The following FBXL13 variants were observed in gnomAD, a reference collection of about 807,000 sequenced individuals.
The protein encoded by FBXL13 is F-box and leucine rich repeat protein 13, also known as F-box and leucine-rich repeat protein 13.
Under a neutral mutation model 83.6 loss-of-function variants are expected in FBXL13, and 67 were observed. That is an observed-to-expected ratio of 0.80 (90% CI 0.66 to 0.98). The LOEUF is 0.98. Among genes scored for constraint, FBXL13 ranks in the 50% least tolerant of loss-of-function variants. The pLI is 0.00. For synonymous variants in FBXL13, 272 were observed against 299.5 expected, an observed-to-expected ratio of 0.91 and a Z score of 0.95; for missense variants, 822 against 866.5, an observed-to-expected ratio of 0.95 and a Z score of 0.64.
chr7:102,822,768 G>C (rs747163020), intron 18 of FBXL13, among the ~76,000 whole-genome samples: 61 of 152,194 alleles, frequency 4.0e-4, no homozygotes, highest in South Asian at 1.0e-3. Flanking sequence ...GCCTCAAGTA[G>C]CACCAATAGA....
chr7:103,042,160 G>C (rs1204058900), intron 2 of FBXL13, among the ~76,000 whole-genome samples: 2 of 152,128 alleles, frequency 1.3e-5, no homozygotes, highest in African/African-American at 4.8e-5. Context: ...AAAATCACAA[G>C]CATTCCTATA....
intron 8 of FBXL13, among the ~76,000 whole-genome samples, chr7:102,961,651 G>A (rs1825230541): frequency 6.6e-6 from 1 of 151,728 alleles, no homozygotes; most frequent in South Asian, 2.1e-4. Flanking sequence ...TAGACCAATG[G>A]AACAGAACAG....
intron 17 of FBXL13, among the ~76,000 whole-genome samples, chr7:102,840,075 A>C (rs1403694630): frequency 6.6e-6 from 1 of 152,226 alleles, no homozygotes; most frequent in African/African-American, 2.4e-5. Context: ...TTAACATATA[A>C]AATTTGACAG....
intron 11 of FBXL13, among the ~76,000 whole-genome samples, chr7:102,886,632 C>T (rs1810831538): frequency 6.6e-6 from 1 of 152,082 alleles, no homozygotes; most frequent in African/African-American, 2.4e-5. Context: ...CCCCTGTATA[C>T]AGCTCCCAGC....
rs563591520 is a variant in FBXL13 at position 102,971,376 on chromosome 7, T to C, written c.496-3259A>G. ...ACTTTGGGAGGCTGAGGCAGGCAGA[T>C]CACCTAAGGTTGGGCGTTCGAGACC... On this transcript the variant is annotated intron_variant, in intron 6 of 19. Coordinates refer to ENST00000313221, the Ensembl canonical transcript of FBXL13. Among the ~76,000 whole-genome samples the C allele has an allele frequency of 5.9e-5, 9 of 152,108 alleles. No individual in the cohort carries two copies. The South Asian group carries it at 1.9e-3, about 32-fold the overall frequency.
At chr7:102,894,112 G>A (rs1811958172) in intron 11 of FBXL13, among the ~76,000 whole-genome samples, 1 of 152,156 alleles carries the variant, frequency 6.6e-6, no homozygotes, top group Non-Finnish European at 1.5e-5. Flanking sequence ...TTCATCCCTG[G>A]ACATGCCTGT....
chr7:102,911,212 A>C (rs1814614987), intron 11 of FBXL13, among the ~76,000 whole-genome samples: 1 of 152,222 alleles, frequency 6.6e-6, no homozygotes, highest in Non-Finnish European at 1.5e-5. Flanking sequence ...AGTAGGTCAT[A>C]GATTTGAAGC....
chr7:103,026,587 T>C (rs531260114), intron 5 of FBXL13, among the ~76,000 whole-genome samples: 30 of 152,282 alleles, frequency 2.0e-4, no homozygotes, highest in African/African-American at 7.0e-4. Context: ...ACCTATAGAT[T>C]ATAAACTTCT....
intron 6 of FBXL13, among the ~76,000 whole-genome samples, chr7:102,976,861 T>A (rs1187435637): frequency 6.6e-6 from 1 of 152,202 alleles, no homozygotes; most frequent in Non-Finnish European, 1.5e-5. Context: ...TCAGGCTTAT[T>A]AACCAAGCTG....
chr7:102,934,770 T>A lies in FBXL13; in HGVS notation c.725-2837A>T, dbSNP rs1012314282. 4.1e-6 allele frequency: 5 copies of A among 1,212,566 alleles called. No individual in the cohort carries two copies. The African/African-American group carries it at 6.1e-5, about 15-fold the overall frequency. The allele number at this position is 1,212,566 out of a possible 1,614,324, so 75.1% of individuals were successfully genotyped here. The stretch of plus-strand genomic sequence containing the variant: ...ATAATCCTCCCTACATCCCACCATG[T>A]CTTGGAATTCGTGATGTCACTTCCA... On this transcript the variant is annotated intron_variant, in intron 8 of 19. Coordinates refer to ENST00000313221, the Ensembl canonical transcript of FBXL13.
rs117986525 is a variant in FBXL13 at position 103,002,947 on chromosome 7, G to A, written c.495+22116C>T. The stretch of plus-strand genomic sequence containing the variant: ...CTCAGATATTTATATCTTTCTCTAG[G>A]TTTCAAAAGTTTTCTGTTATTATTT... On this transcript the variant is annotated intron_variant, in intron 6 of 19. Transcript: ENST00000313221. 4.3e-3 allele frequency among the ~76,000 whole-genome samples: 655 copies of A among 152,018 alleles called. 4 individuals carry two copies. Among genetic ancestry groups the A allele is most frequent in the Non-Finnish European group, 7.5e-3 (507 of 67,996 alleles).
chr7:102,867,858 G>A (rs1174166455), intron 16 of FBXL13, among the ~76,000 whole-genome samples: 1 of 151,160 alleles, frequency 6.6e-6, no homozygotes, highest in Non-Finnish European at 1.5e-5. Context: ...CTGCCACCAT[G>A]CCTGGCTAAT....
chr7:102,837,737 C>T (rs1802249824), intron 17 of FBXL13, among the ~76,000 whole-genome samples: 1 of 152,148 alleles, frequency 6.6e-6, no homozygotes, highest in African/African-American at 2.4e-5. Flanking sequence ...GAGACAGGGT[C>T]TCACTATGTT....
At chr7:102,950,728 A>G (rs957850006) in intron 8 of FBXL13, among the ~76,000 whole-genome samples, 1 of 152,232 alleles carries the variant, frequency 6.6e-6, no homozygotes, top group Non-Finnish European at 1.5e-5. Flanking sequence ...TTAATTGCAC[A>G]TTAATAAGTG....
chr7:102,935,623 G>GA (rs1820160672), intron 8 of FBXL13, among the ~76,000 whole-genome samples: 1 of 152,170 alleles, frequency 6.6e-6, no homozygotes, highest in Non-Finnish European at 1.5e-5. Flanking sequence ...CATGAGCTAA[G>GA]AAAACAGACG....
At chr7:102,859,001 T>A (rs1214497783) in intron 16 of FBXL13, among the ~76,000 whole-genome samples, 1 of 152,136 alleles carries the variant, frequency 6.6e-6, no homozygotes, top group Non-Finnish European at 1.5e-5. Flanking sequence ...GGTACATGAA[T>A]TATGTCTCAA....
At chr7:102,821,766 T>C (rs563143019) in intron 19 of FBXL13, among the ~76,000 whole-genome samples, 8 of 152,214 alleles carry the variant, frequency 5.3e-5, no homozygotes, top group African/African-American at 1.9e-4. Context: ...TTTTGAGAAA[T>C]GAGCAGAGGA....
downstream of FBXL13, chr7:102,813,197 A>G: frequency 1.3e-6 from 1 of 758,368 alleles, no homozygotes; most frequent in Non-Finnish European, 2.1e-6. Flanking sequence ...GTGTTTGGAA[A>G]TATTTGTAGT....
At chr7:102,999,931 T>A (rs1031811261) in intron 6 of FBXL13, among the ~76,000 whole-genome samples, 1 of 152,146 alleles carries the variant, frequency 6.6e-6, no homozygotes, top group African/African-American at 2.4e-5. Context: ...TTTTACTAAT[T>A]TGGGGTTTGG....
Sources: allele counts gnomAD v4.1 joint callset (sites outside exome capture counted in the v4.1 genomes callset), GRCh38; gene constraint gnomAD v4.1.1; transcripts MANE v1.5; gene names NCBI Gene and HGNC (gene_info 2026-07-23, HGNC 2026-07-21).